The following ANK3 variants were observed in gnomAD, a reference collection of about 807,000 sequenced individuals.
ANK3 encodes the protein ankyrin 3, also known as ankyrin-3.
A neutral mutation model predicts 370.9 loss-of-function variants in ANK3; 57 were observed. The ratio of observed to expected loss-of-function variants is 0.15; its 90% CI spans 0.12 to 0.19. The LOEUF is 0.19. ANK3 is among the 10% of genes least tolerant of loss of function. The pLI is 1.00. For synonymous variants in ANK3, 1,929 were observed against 1,946.3 expected (o/e 0.99, Z 0.23); for missense variants, 4,439 against 5,302.1 (o/e 0.84, Z 5.06).
chr10:60,447,876 G>A (rs766217409), intron 2 of ANK3, among the ~76,000 whole-genome samples: 26 of 152,222 alleles, frequency 1.7e-4, no homozygotes, highest in South Asian at 4.2e-4. Context: ...GGTTGTGACC[G>A]ATAATTTTAA....
chr10:60,488,086 C>T (rs1372154899), intron 2 of ANK3, among the ~76,000 whole-genome samples: 1 of 151,866 alleles, frequency 6.6e-6, no homozygotes, highest in African/African-American at 2.4e-5. Flanking sequence ...TTCTACTATA[C>T]CAAAATAAAG....
At chr10:60,669,949 A>T (rs2079045579) in intron 1 of ANK3, among the ~76,000 whole-genome samples, 1 of 152,062 alleles carries the variant, frequency 6.6e-6, no homozygotes, top group South Asian at 2.1e-4. Context: ...CAGCCTTTCA[A>T]GTAGCTGGGA....
intron 2 of ANK3, among the ~76,000 whole-genome samples, chr10:60,584,287 T>C (rs1352768325): frequency 6.6e-6 from 1 of 152,212 alleles, no homozygotes; most frequent in East Asian, 1.9e-4. Context: ...CAAAACTACG[T>C]CATCAAAATG....
chr10:60,349,834 G>A (rs1303189104), intron 1 of ANK3, among the ~76,000 whole-genome samples: 2 of 152,136 alleles, frequency 1.3e-5, no homozygotes, highest in Admixed American at 1.3e-4. Flanking sequence ...TGGGTCTCTG[G>A]ACAAGTCATA....
At position 60,071,615 on chromosome 10, in the gene ANK3, A is replaced by C. The variant is rs1358334538; in HGVS notation, c.9266T>G (p.Ile3089Arg). 1.1e-5 allele frequency: 18 copies of C among 1,613,578 alleles called. No homozygotes were observed. Among genetic ancestry groups the C allele is most frequent in the Non-Finnish European group, 1.5e-5 (18 of 1,179,882 alleles). Residue 3089 changes from isoleucine to arginine, a missense_variant, in exon 37 of 44, where the codon ATA (isoleucine) becomes AGA (arginine). This residue lies in a region of ANK3 where 1,601 missense variants were observed against 1,731.7 expected (regional missense o/e 0.92). Transcript: ENST00000280772. ...PLAQTEGGKE[I>R]KTLPVYVSFV... ...ACTGACATAAACGGGTAAAGTTTTT[A>C]TCTCTTTCCCTCCCTCTGTCTGGGC...
chr10:60,229,546 A>T (rs1051082514), intron 8 of ANK3, among the ~76,000 whole-genome samples: 1 of 152,192 alleles, frequency 6.6e-6, no homozygotes, highest in African/African-American at 2.4e-5. Flanking sequence ...CATGGGCTGA[A>T]ATTATAGTAC....
intron 2 of ANK3, among the ~76,000 whole-genome samples, chr10:60,447,997 G>T (rs1348288041): frequency 6.6e-6 from 1 of 152,154 alleles, no homozygotes; most frequent in Non-Finnish European, 1.5e-5. Context: ...TGAAGGAGGG[G>T]CAGATAGGCT....
At chr10:60,436,416 T>C (rs568383366) in intron 2 of ANK3, among the ~76,000 whole-genome samples, 4 of 152,360 alleles carry the variant, frequency 2.6e-5, no homozygotes, top group Admixed American at 1.3e-4. Context: ...CTGCACTATT[T>C]TACATTTCTA....
chr10:60,622,885 T>A (rs2078356987), intron 1 of ANK3, among the ~76,000 whole-genome samples: 1 of 152,182 alleles, frequency 6.6e-6, no homozygotes, highest in Non-Finnish European at 1.5e-5. Context: ...ATATGTAGTG[T>A]CAAATGCTGC....
At chr10:60,182,044 C>T (rs1433873425) in intron 17 of ANK3, among the ~76,000 whole-genome samples, 1 of 152,014 alleles carries the variant, frequency 6.6e-6, no homozygotes, top group African/African-American at 2.4e-5. Flanking sequence ...AACATTTACC[C>T]CCATACATTT....
chr10:60,035,711 G>A (rs903166715), intron 43 of ANK3, among the ~76,000 whole-genome samples: 3 of 151,376 alleles, frequency 2.0e-5, no homozygotes, highest in Non-Finnish European at 2.9e-5. Context: ...AAAAAAAGGC[G>A]GGGTGCGGTG....
Position 60,088,309 on chromosome 10 carries a change from G to C in ANK3, c.3378C>G (p.Ile1126Met), listed in dbSNP as rs756872751. Reference sequence around the variant, plus strand: ...CAAAATACTGGGGGAAATCTTTCGTGATAATCCTGCAGATACGCTTTTTCC... The same window carrying C: ...CAAAATACTGGGGGAAATCTTTCGTCATAATCCTGCAGATACGCTTTTTCC... ...ELGKKRICRI[I>M]TKDFPQYFAV... The change falls in exon 29 of 44, where the codon ATC (isoleucine) becomes ATG (methionine). Residue 1126 changes from isoleucine (I) to methionine (M), a missense_variant. By Grantham distance (10) the Ile-to-Met change is conservative. Transcript: ENST00000280772. The C allele has an allele frequency of 6.2e-7, 1 of 1,614,166 alleles. No homozygotes were observed. The highest frequency in any genetic ancestry group is 2.2e-5 in the East Asian group (1 of 44,880).
intron 28 of ANK3, among the ~76,000 whole-genome samples, chr10:60,093,237 CT>C: frequency 6.6e-6 from 1 of 152,280 alleles, no homozygotes; most frequent in East Asian, 1.9e-4. Context: ...CATGCTGCAA[CT>C]GAGAAAGTTC....
intron 1 of ANK3, among the ~76,000 whole-genome samples, chr10:60,621,256 C>T (rs1457920357): frequency 6.6e-6 from 1 of 152,178 alleles, no homozygotes; most frequent in East Asian, 1.9e-4. Flanking sequence ...ATGCAGCATT[C>T]TAAAAAGGAC....
intron 1 of ANK3, among the ~76,000 whole-genome samples, chr10:60,382,050 G>T (rs1036618828): frequency 2.0e-5 from 3 of 152,042 alleles, no homozygotes; most frequent in African/African-American, 7.2e-5. Flanking sequence ...TTACAAAATT[G>T]TACTTTATTA....
chr10:60,262,741 G>C (rs2097825244), intron 6 of ANK3, among the ~76,000 whole-genome samples: 1 of 152,156 alleles, frequency 6.6e-6, no homozygotes, highest in Non-Finnish European at 1.5e-5. Context: ...ACACCACAGA[G>C]GGTAAGTGTC....
chr10:60,384,898 C>A (rs2062038281), intron 1 of ANK3, among the ~76,000 whole-genome samples: 1 of 152,136 alleles, frequency 6.6e-6, no homozygotes, highest in Non-Finnish European at 1.5e-5. Flanking sequence ...GAGTCTTCCC[C>A]TAAATATCTT....
chr10:60,105,498 G>A (rs1207395012), intron 28 of ANK3, among the ~76,000 whole-genome samples: 1 of 152,150 alleles, frequency 6.6e-6, no homozygotes, highest in Non-Finnish European at 1.5e-5. Context: ...AATTATCTGG[G>A]AGAAACTTGA....
At chr10:60,301,175 C>CTATATATAATCTATGTGTGTGTA (rs1457552978) in intron 1 of ANK3, among the ~76,000 whole-genome samples, 3 of 145,840 alleles carry the variant, frequency 2.1e-5, no homozygotes, top group African/African-American at 7.6e-5. Flanking sequence ...TATATACACA[C>CTATATATAATCTATGTGTGTGTA]TATATATAAT....
Sources: allele counts gnomAD v4.1 joint callset (sites outside exome capture counted in the v4.1 genomes callset), GRCh38; gene constraint gnomAD v4.1.1; regional missense constraint gnomAD v4.1.1; transcripts MANE v1.5; gene names NCBI Gene and HGNC (gene_info 2026-07-23, HGNC 2026-07-21).